ENTPD1: variants seen among roughly 807,000 people sequenced by gnomAD.
ENTPD1 encodes ectonucleoside triphosphate diphosphohydrolase 1, also known as ATP diphosphohydrolase.
ENTPD1 carries 33 observed loss-of-function variants against 57.0 expected under a neutral mutation model. The ratio of observed to expected loss-of-function variants is 0.58; its 90% CI spans 0.44 to 0.77. The LOEUF (loss-of-function observed/expected upper bound fraction) is 0.77. ENTPD1 is among the 30% of genes least tolerant of loss of function. ENTPD1 has a pLI of 0.00. For synonymous variants in ENTPD1, 202 were observed against 218.8 expected (o/e 0.92, Z 0.68); for missense variants, 501 against 603.4 (o/e 0.83, Z 1.78).
chr10:95,707,378 C>T (rs573160503), upstream of ENTPD1, among the ~76,000 whole-genome samples: 6 of 152,288 alleles, frequency 3.9e-5, no homozygotes, highest in African/African-American at 1.4e-4. Context: ...GGGTAGCTCC[C>T]ACCCCAATTC....
At chr10:95,831,904 C>T (rs1276549541) in intron 2 of ENTPD1, among the ~76,000 whole-genome samples, 1 of 152,206 alleles carries the variant, frequency 6.6e-6, no homozygotes, top group Non-Finnish European at 1.5e-5. Flanking sequence ...TCCATTCATT[C>T]ATTTAACAAA....
At chr10:95,801,860 G>A (rs1312365902) in intron 1 of ENTPD1, among the ~76,000 whole-genome samples, 1 of 152,192 alleles carries the variant, frequency 6.6e-6, no homozygotes. Context: ...TTCTAGTTCT[G>A]TGAAGAATCT....
intron 1 of ENTPD1, among the ~76,000 whole-genome samples, chr10:95,712,345 A>G (rs1393013833): frequency 6.6e-6 from 1 of 152,140 alleles, no homozygotes; most frequent in Non-Finnish European, 1.5e-5. Flanking sequence ...ACCTGTGTCT[A>G]TAAACTTTGC....
intron 1 of ENTPD1, among the ~76,000 whole-genome samples, chr10:95,822,769 G>A (rs896456195): frequency 6.6e-6 from 1 of 152,150 alleles, no homozygotes; most frequent in East Asian, 1.9e-4. Flanking sequence ...AAATGCAAGG[G>A]GTATGTATGT....
intron 1 of ENTPD1, among the ~76,000 whole-genome samples, chr10:95,807,830 G>A (rs2098279454): frequency 6.6e-6 from 1 of 152,112 alleles, no homozygotes; most frequent in Admixed American, 6.5e-5. Flanking sequence ...TGAGACCATG[G>A]GGTTTTCTAG....
At chr10:95,815,048 CTTT>C (rs2098325356) in intron 1 of ENTPD1, among the ~76,000 whole-genome samples, 1 of 152,110 alleles carries the variant, frequency 6.6e-6, no homozygotes, top group African/African-American at 2.4e-5. Context: ...GTGCTGACTT[CTTT>C]AAGTAAAATA....
chr10:95,706,946 GAA>G (rs2097962805), upstream of ENTPD1, among the ~76,000 whole-genome samples: 1 of 152,232 alleles, frequency 6.6e-6, no homozygotes, highest in Middle Eastern at 3.2e-3. Context: ...CGCCGGGAGA[GAA>G]GAGAGGTCAG....
chr10:95,792,269 T>C (rs1201768953), intron 1 of ENTPD1, among the ~76,000 whole-genome samples: 1 of 152,156 alleles, frequency 6.6e-6, no homozygotes, highest in Non-Finnish European at 1.5e-5. Context: ...GAGTGCCCCA[T>C]AAGACCCTGT....
At chr10:95,774,081 C>A (rs1417323159) in intron 1 of ENTPD1, among the ~76,000 whole-genome samples, 6 of 152,156 alleles carry the variant, frequency 3.9e-5, no homozygotes, top group Non-Finnish European at 7.3e-5. Flanking sequence ...TCTCTGATGA[C>A]CAGTGATGAT....
chr10:95,853,788 C>G (rs1232704361), intron 7 of ENTPD1, among the ~76,000 whole-genome samples: 32 of 152,128 alleles, frequency 2.1e-4, no homozygotes, highest in Non-Finnish European at 3.1e-4. Context: ...AAGCCCACTT[C>G]ATCATGGTGG....
chr10:95,853,555 A>G (rs1183569728), intron 7 of ENTPD1, among the ~76,000 whole-genome samples: 2 of 152,120 alleles, frequency 1.3e-5, no homozygotes, highest in Non-Finnish European at 2.9e-5. Context: ...TCAGTATGAT[A>G]TTGGCTGTGG....
rs2098480582 is a variant in ENTPD1, at chr10:95,871,637, TTGAAG to T, written c.*5260_*5264del. On this transcript the variant is annotated 3_prime_UTR_variant, in exon 10 of 10. Coordinates refer to ENST00000371205, the MANE Select transcript of ENTPD1 (RefSeq NM_001776.6). ...AAAAGTGGCATTCAAGACTCTTCAT[TTGAAG>T]TGAAGATTGCTATGTCTTTTGCATT... 1 of 985,404 alleles carries T rather than the reference TTGAAG, an allele frequency of 1.0e-6. No homozygotes were observed. The allele number at this position is 985,404 out of a possible 1,614,324, so 61.0% of individuals were successfully genotyped here. A position where few individuals can be genotyped will look rare whatever the true frequency, so the allele number is the denominator to read the frequency against.
intron 1 of ENTPD1, among the ~76,000 whole-genome samples, chr10:95,762,389 A>G: frequency 7.5e-6 from 1 of 134,212 alleles, no homozygotes; most frequent in South Asian, 2.3e-4. Flanking sequence ...ATTTCCTGGC[A>G]GTTTTTTTTT....
intron 1 of ENTPD1, among the ~76,000 whole-genome samples, chr10:95,778,934 A>G (rs531335847): frequency 3.3e-5 from 5 of 152,092 alleles, no homozygotes; most frequent in Non-Finnish European, 7.4e-5. Context: ...AGAGTGTATC[A>G]TTGTTTTATT....
intron 1 of ENTPD1, among the ~76,000 whole-genome samples, chr10:95,724,752 C>T (rs2097981790): frequency 6.6e-6 from 1 of 152,152 alleles, no homozygotes; most frequent in South Asian, 2.1e-4. Context: ...TGGTGGATGG[C>T]AAGCGAAAGC....
intron 8 of ENTPD1, among the ~76,000 whole-genome samples, chr10:95,862,467 A>G (rs1215852523): frequency 6.6e-6 from 1 of 152,242 alleles, no homozygotes; most frequent in Non-Finnish European, 1.5e-5. Context: ...AGCATGTACT[A>G]TGTGTTGACA....
At chr10:95,789,564 T>A (rs2098194554) in intron 1 of ENTPD1, among the ~76,000 whole-genome samples, 1 of 151,984 alleles carries the variant, frequency 6.6e-6, no homozygotes, top group Non-Finnish European at 1.5e-5. Context: ...TTTGCAACAA[T>A]TGGAAAAACT....
chr10:95,769,547 G>A (rs1036712599), intron 1 of ENTPD1, among the ~76,000 whole-genome samples: 2 of 152,218 alleles, frequency 1.3e-5, no homozygotes, highest in African/African-American at 4.8e-5. Flanking sequence ...CCACTGTATA[G>A]CCTTTGGCTT....
At chr10:95,712,396 G>A (rs1035969771) in intron 1 of ENTPD1, among the ~76,000 whole-genome samples, 8 of 152,090 alleles carry the variant, frequency 5.3e-5, no homozygotes, top group Non-Finnish European at 7.4e-5. Context: ...TTCTCCTATT[G>A]TCTTATTTCA....
Sources: gnomAD v4.1 joint callset for allele counts (sites outside exome capture counted in the v4.1 genomes callset) on GRCh38, gnomAD v4.1.1 for gene constraint, MANE v1.5 for transcripts, NCBI Gene and HGNC (gene_info 2026-07-23, HGNC 2026-07-21) for gene names.